THSD7B: variants seen among roughly 807,000 people sequenced by gnomAD.
THSD7B encodes thrombospondin type 1 domain containing 7B, also known as thrombospondin type-1 domain-containing protein 7B.
In THSD7B, 138 loss-of-function variants were observed where a neutral mutation model predicts 213.6. The ratio of observed to expected loss-of-function variants is 0.65; its 90% confidence interval spans 0.56 to 0.74. The LOEUF (loss-of-function observed/expected upper bound fraction) is 0.74, where lower values mean the gene tolerates loss of function less well. Ranked by LOEUF, THSD7B falls within the 30% of genes least tolerant of loss-of-function variation. The probability of loss-of-function intolerance (pLI) is 0.00; values close to 1 mark genes in which losing one functional copy is unlikely to be tolerated. For synonymous variants in THSD7B, 742 were observed against 687.0 expected (o/e 1.08, Z -1.25); for missense variants, 1,931 against 1,991.5 (o/e 0.97, Z 0.58).
Position 137,077,770 on chromosome 2 carries a change from T to C in THSD7B, c.951-17103T>C, listed in dbSNP as rs557218508. ...GTTGCAAAAATTTTCTCCCATTCCA[T>C]AGGTTGCCTGTTCACTCTGATGGTA... On this transcript the variant is annotated intron_variant, in intron 3 of 27. Transcript: ENST00000409968. 1.0e-4 allele frequency among the ~76,000 whole-genome samples: 15 copies of C among 150,128 alleles called. 1 individual carries two copies. The highest frequency in any genetic ancestry group is 3.5e-4 in the African/African-American group (14 of 40,000).
chr2:137,396,387 GA>G (rs1686188686), intron 12 of THSD7B, among the ~76,000 whole-genome samples: 1 of 145,830 alleles, frequency 6.9e-6, no homozygotes, highest in African/African-American at 2.5e-5. Flanking sequence ...TGGTTTCAAA[GA>G]ACATCTTTAT....
chr2:137,248,946 G>A (rs1682105194), intron 10 of THSD7B, among the ~76,000 whole-genome samples: 1 of 152,120 alleles, frequency 6.6e-6, no homozygotes. Flanking sequence ...ACCCAGCTCT[G>A]ATACATGAGT....
intron 4 of THSD7B, among the ~76,000 whole-genome samples, chr2:137,106,514 G>A (rs1688254443): frequency 6.6e-6 from 1 of 152,310 alleles, no homozygotes; most frequent in East Asian, 1.9e-4. Context: ...AACACCAAAA[G>A]CAATGGCAGC....
intron 15 of THSD7B, among the ~76,000 whole-genome samples, chr2:137,460,707 T>A (rs1331338862): frequency 6.6e-6 from 1 of 152,106 alleles, no homozygotes; most frequent in Non-Finnish European, 1.5e-5. Context: ...TTTTGTATAT[T>A]TATAAGAAGG....
intron 20 of THSD7B, among the ~76,000 whole-genome samples, chr2:137,627,767 T>A (rs889063621): frequency 6.6e-6 from 1 of 152,144 alleles, no homozygotes. Context: ...AATGAAAACA[T>A]GGGAATTGCA....
intron 18 of THSD7B, among the ~76,000 whole-genome samples, 180 bp from the exon 19 acceptor site, chr2:137,618,212 A>G (rs1553464556): frequency 6.6e-6 from 1 of 151,952 alleles, no homozygotes; most frequent in Non-Finnish European, 1.5e-5. Flanking sequence ...TTCTTTGTGT[A>G]TTTGTTTTTT....
At chr2:137,473,313 A>G (rs1018294095) in intron 15 of THSD7B, among the ~76,000 whole-genome samples, 80 of 151,954 alleles carry the variant, frequency 5.3e-4, no homozygotes, top group African/African-American at 1.8e-3. Context: ...TCTGTCTTCC[A>G]GGTTCACGCC....
rs147159884 is a variant in THSD7B at position 137,081,168 on chromosome 2, G to A, written c.951-13705G>A. 2.4e-4 allele frequency among the ~76,000 whole-genome samples: 36 copies of A among 152,148 alleles called. No homozygotes were observed. The South Asian group carries it at 3.3e-3, about 14-fold the overall frequency. ...AAGTTTAATCGTTTTACTAGTATAT[G>A]TCCCAGGGTCGATTGATCTGGATTA... is the stretch of plus-strand genomic sequence containing the variant. On this transcript the variant is annotated intron_variant, in intron 3 of 27. Coordinates refer to ENST00000409968, the MANE Select transcript of THSD7B (RefSeq NM_001316349.2).
At chr2:137,418,757 G>A (rs1395261588) in intron 14 of THSD7B, among the ~76,000 whole-genome samples, 1 of 151,798 alleles carries the variant, frequency 6.6e-6, no homozygotes, top group East Asian at 1.9e-4. Flanking sequence ...TCCTTTTATA[G>A]CTCCCACATA....
At chr2:136,870,735 C>T (rs1470409079) in intron 1 of THSD7B, among the ~76,000 whole-genome samples, 1 of 152,002 alleles carries the variant, frequency 6.6e-6, no homozygotes, top group East Asian at 1.9e-4. Context: ...GTGTCTGGGG[C>T]ACAGGAGTGA....
intron 15 of THSD7B, among the ~76,000 whole-genome samples, chr2:137,514,951 C>T (rs565274735): frequency 5.9e-5 from 9 of 152,240 alleles, no homozygotes; most frequent in South Asian, 2.1e-4. Flanking sequence ...TTCTAACTCC[C>T]GGCTTCAGAA....
intron 2 of THSD7B, among the ~76,000 whole-genome samples, chr2:136,956,914 G>C (rs570983689): frequency 1.3e-5 from 2 of 152,162 alleles, no homozygotes; most frequent in African/African-American, 4.8e-5. Flanking sequence ...TTCTGATCTC[G>C]TGATCTGCCT....
intron 10 of THSD7B, among the ~76,000 whole-genome samples, chr2:137,271,690 T>A (rs1655167938): frequency 1.3e-5 from 2 of 151,850 alleles, no homozygotes; most frequent in African/African-American, 4.8e-5. Context: ...GTCGTATATA[T>A]GTCTGCCCCT....
chr2:137,483,029 G>A (rs545634613), intron 15 of THSD7B, among the ~76,000 whole-genome samples: 2 of 152,172 alleles, frequency 1.3e-5, no homozygotes, highest in South Asian at 2.1e-4. Context: ...ACCAAAAGTC[G>A]TGAGGGTATG....
intron 5 of THSD7B, among the ~76,000 whole-genome samples, chr2:137,123,236 G>A (rs796223606): frequency 7.9e-5 from 12 of 152,240 alleles, no homozygotes; most frequent in African/African-American, 2.9e-4. Flanking sequence ...TTGAGTAGCA[G>A]CTGAGAGGCT....
At chr2:137,130,047 A>T (rs1403256348) in intron 5 of THSD7B, among the ~76,000 whole-genome samples, 1 of 152,088 alleles carries the variant, frequency 6.6e-6, no homozygotes, top group Non-Finnish European at 1.5e-5. Context: ...TGCCAGGAAA[A>T]ACTGGAGGTC....
chr2:137,268,038 G>A (rs1682637040), intron 10 of THSD7B, among the ~76,000 whole-genome samples: 1 of 152,152 alleles, frequency 6.6e-6, no homozygotes, highest in South Asian at 2.1e-4. Flanking sequence ...TTACCTTTTG[G>A]ATTTCTGGAA....
chr2:137,243,551 G>T (rs1681960611), intron 10 of THSD7B, among the ~76,000 whole-genome samples: 1 of 152,308 alleles, frequency 6.6e-6, no homozygotes, highest in Middle Eastern at 3.4e-3. Context: ...ATGCAGTTCT[G>T]CAGAGAAAAA....
intron 1 of THSD7B, among the ~76,000 whole-genome samples, chr2:136,779,198 A>ATGTG (rs199689020): frequency 0.018 from 997 of 55,112 alleles, 9 homozygotes; most frequent in East Asian, 0.074. Context: ...ATATATATAT[A>ATGTG]TGTGTGTGTG....
Sources: gnomAD v4.1 joint callset for allele counts (sites outside exome capture counted in the v4.1 genomes callset) on GRCh38, gnomAD v4.1.1 for gene constraint, MANE v1.5 for transcripts, NCBI Gene and HGNC (gene_info 2026-07-23, HGNC 2026-07-21) for gene names.